The following FGFR2 variants were observed in gnomAD, a reference collection of about 807,000 sequenced individuals.
FGFR2 encodes the protein fibroblast growth factor receptor 2.
In FGFR2, 19 loss-of-function variants were observed where a neutral mutation model predicts 95.9. That is an observed-to-expected ratio of 0.20 (90% CI 0.14 to 0.29). FGFR2 has a LOEUF of 0.29. Ranked by LOEUF, FGFR2 falls within the 10% of genes least tolerant of loss-of-function variation. The pLI is 1.00. For synonymous variants in FGFR2, 392 were observed against 393.3 expected (o/e 1.00, Z 0.04); for missense variants, 707 against 1,056.9 (o/e 0.67, Z 4.59).
At chr10:121,587,972 G>A (rs1862082735) in intron 2 of FGFR2, among the ~76,000 whole-genome samples, 2 of 152,162 alleles carry the variant, frequency 1.3e-5, no homozygotes, top group African/African-American at 4.8e-5. Context: ...ATTCACAATA[G>A]CAAAGACATG....
At chr10:121,504,760 A>C (rs914781534) in intron 9 of FGFR2, among the ~76,000 whole-genome samples, 1 of 152,120 alleles carries the variant, frequency 6.6e-6, no homozygotes, top group Non-Finnish European at 1.5e-5. Flanking sequence ...GTTTATCCTG[A>C]TCCATTTCAG....
Position 121,500,950 on chromosome 10 carries a change from AAAT to A in FGFR2, c.1440-6_1440-4del. Reference sequence around the variant, plus strand: ...CCAGGGGCTTGCCCAGTGTCAGCCTAAATGTGTAAATAGGGGATTAGCACATAG... The same window carrying A: ...CCAGGGGCTTGCCCAGTGTCAGCCTAGTGTAAATAGGGGATTAGCACATAG... On this transcript the variant is annotated splice_region_variant and splice_polypyrimidine_tract_variant and intron_variant, in intron 10 of 17. Transcript: ENST00000358487. 1 of 1,614,012 alleles carries A rather than the reference AAAT, an allele frequency of 6.2e-7. No homozygotes were observed. The highest frequency in any genetic ancestry group is 8.5e-7 in the Non-Finnish European group (1 of 1,180,036).
At chr10:121,487,499 G>T in intron 14 of FGFR2, 75 bp from the exon 15 acceptor site, 1 of 1,241,196 alleles carries the variant, frequency 8.1e-7, no homozygotes, top group Non-Finnish European at 1.2e-6. Context: ...ATAGGGCTAT[G>T]CCCTGTTTAA....
At chr10:121,530,097 G>A (rs545191427) in intron 6 of FGFR2, among the ~76,000 whole-genome samples, 5 of 152,116 alleles carry the variant, frequency 3.3e-5, no homozygotes, top group East Asian at 3.9e-4. Context: ...CATGAAAGAC[G>A]CACAGTGGTT....
chr10:121,583,433 C>A (rs1217935583), intron 2 of FGFR2: 1 of 152,268 alleles, frequency 6.6e-6, no homozygotes, highest in Non-Finnish European at 1.5e-5. Flanking sequence ...CAACGGGCAA[C>A]AGAGGCCAGC....
intron 6 of FGFR2, among the ~76,000 whole-genome samples, chr10:121,535,242 C>A (rs995324323): frequency 1.3e-5 from 2 of 152,164 alleles, no homozygotes; most frequent in Non-Finnish European, 2.9e-5. Flanking sequence ...GAATAGATTT[C>A]TTTTGTTTTA....
At chr10:121,559,111 GAAAAA>G (rs904279035) in intron 4 of FGFR2, among the ~76,000 whole-genome samples, 1 of 55,232 alleles carries the variant, frequency 1.8e-5, no homozygotes, top group African/African-American at 5.7e-5. Context: ...TCCAAAAGGA[GAAAAA>G]AAAAAAAAAA....
At chr10:121,482,368 C>A (rs1478817595) in intron 17 of FGFR2, among the ~76,000 whole-genome samples, 3 of 152,138 alleles carry the variant, frequency 2.0e-5, no homozygotes, top group Non-Finnish European at 2.9e-5. Flanking sequence ...CAGCACAGGC[C>A]ACAGTCAGAC....
Position 121,517,705 on chromosome 10 carries a change from T to TGGAAAAAATCAACCCAC in FGFR2, c.940-259_940-243dup, listed in dbSNP as rs1849880758. 6.6e-6 allele frequency among the ~76,000 whole-genome samples: 1 copy of TGGAAAAAATCAACCCAC among 152,030 alleles called. No homozygotes were observed. Among genetic ancestry groups the TGGAAAAAATCAACCCAC allele is most frequent in the African/African-American group, 2.4e-5 (1 of 41,396 alleles). On this transcript the variant is annotated intron_variant, in intron 7 of 17. Transcript: ENST00000358487. This position sits in a 1 kb window ranked among gnomAD's most constrained non-coding sequence, Gnocchi z 4.7. ...CTACACATGCACGCAATCAAACGCA[T>TGGAAAAAATCAACCCAC]GGAAAAAATCAACCCACAGAGGTCC...
At chr10:121,520,333 C>T (rs894927799) in intron 6 of FGFR2, among the ~76,000 whole-genome samples, 164 bp from the exon 7 acceptor site, 2 of 152,172 alleles carry the variant, frequency 1.3e-5, no homozygotes, top group African/African-American at 4.8e-5. Flanking sequence ...ATAACAGAAA[C>T]GACTTCAAAG....
rs1442252007 is a variant in FGFR2 at position 121,560,619 on chromosome 10, A to C, written c.454+3883T>G. 5.1e-5 allele frequency among the ~76,000 whole-genome samples: 7 copies of C among 135,936 alleles called. No individual in the cohort carries two copies. In the East Asian group the frequency reaches 6.9e-4, roughly 13 times the overall value. The allele number at this position is 135,936 out of a possible 152,430, so 89.2% of individuals were successfully genotyped here. ...AACAGAGCAAGACTCCGTCCCCAAA[A>C]AAAAAAAAAAAAAAAAAAAAAAGAG... On this transcript the variant is annotated intron_variant, in intron 4 of 17. Transcript: ENST00000358487.
chr10:121,590,670 C>T (rs1389213060), intron 2 of FGFR2, among the ~76,000 whole-genome samples: 1 of 152,102 alleles, frequency 6.6e-6, no homozygotes, highest in Non-Finnish European at 1.5e-5. Context: ...TATGATATGA[C>T]ATATGATATG....
At chr10:121,544,665 G>T (rs768865307) in intron 5 of FGFR2, among the ~76,000 whole-genome samples, 7 of 152,050 alleles carry the variant, frequency 4.6e-5, no homozygotes, top group Non-Finnish European at 1.0e-4. Flanking sequence ...AGGTGCAGTG[G>T]GGGAGGGGAA....
intron 2 of FGFR2, among the ~76,000 whole-genome samples, chr10:121,577,873 C>T (rs1449001790): frequency 3.3e-5 from 5 of 152,120 alleles, no homozygotes; most frequent in African/African-American, 1.2e-4. Context: ...TCCTCCTCCA[C>T]CAGCCTCTTC....
At chr10:121,545,097 C>T (rs906706501) in intron 5 of FGFR2, among the ~76,000 whole-genome samples, 22 of 152,032 alleles carry the variant, frequency 1.4e-4, no homozygotes, top group African/African-American at 4.1e-4. Context: ...GAGCCATGTT[C>T]GTACCACTGC....
At chr10:121,513,354 G>T (rs1589815268) in intron 9 of FGFR2, among the ~76,000 whole-genome samples, 1 of 152,158 alleles carries the variant, frequency 6.6e-6, no homozygotes, top group Non-Finnish European at 1.5e-5. Context: ...TTCTTAGATG[G>T]ACAGTGAAGA....
At position 121,479,201 on chromosome 10, in the gene FGFR2, A is replaced by G. The variant is rs1844355348; in HGVS notation, c.*656T>C. 2 of 233,286 alleles carry G rather than the reference A, an allele frequency of 8.6e-6. No individual in the cohort carries two copies. The highest frequency in any genetic ancestry group is 1.2e-4 in the East Asian group (2 of 16,366). The allele number at this position is 233,286 out of a possible 1,614,324, so 14.5% of individuals were successfully genotyped here. ...AGAAATGCCACTTAAATTACAAAAAAAACTATAAATGATTAATTGTTTTGT... is the reference window on the plus strand; with the variant it reads ...AGAAATGCCACTTAAATTACAAAAAGAACTATAAATGATTAATTGTTTTGT... On this transcript the variant is annotated 3_prime_UTR_variant, in exon 18 of 18. Coordinates refer to ENST00000358487, the MANE Select transcript of FGFR2 (RefSeq NM_000141.5).
intron 5 of FGFR2, among the ~76,000 whole-genome samples, chr10:121,546,982 G>A (rs542405382): frequency 1.8e-4 from 27 of 152,198 alleles, no homozygotes; most frequent in South Asian, 4.2e-4. Context: ...CCCAGCACTC[G>A]CAGAGGCCAA....
At chr10:121,515,037 A>T (rs1811494915) in intron 9 of FGFR2, 80 bp downstream of exon 9, 1 of 1,367,080 alleles carries the variant, frequency 7.3e-7, no homozygotes. Flanking sequence ...AGTCGATGGC[A>T]TCAAAGCAGA....
Sources: allele counts gnomAD v4.1 joint callset (sites outside exome capture counted in the v4.1 genomes callset), GRCh38; gene constraint gnomAD v4.1.1; non-coding constraint Gnocchi (gnomAD v3.1); transcripts MANE v1.5; gene names NCBI Gene and HGNC (gene_info 2026-07-23, HGNC 2026-07-21).